The following INSR variants were observed in gnomAD, a reference collection of about 807,000 sequenced individuals.
INSR encodes insulin receptor, also known as IR.
INSR carries 67 observed loss-of-function variants against 142.6 expected under a neutral mutation model. That is an observed-to-expected ratio of 0.47 (90% CI 0.39 to 0.58). INSR has a LOEUF of 0.58. INSR is among the 20% of genes least tolerant of loss of function. The pLI is 0.00. For synonymous variants in INSR, 756 were observed against 743.1 expected, an observed-to-expected ratio of 1.02 and a Z score of -0.28; for missense variants, 1,248 against 1,833.2, an observed-to-expected ratio of 0.68 and a Z score of 5.83.
At chr19:7,190,254 G>A (rs867372686) in intron 2 of INSR, among the ~76,000 whole-genome samples, 2 of 151,990 alleles carry the variant, frequency 1.3e-5, no homozygotes, top group South Asian at 4.2e-4. Flanking sequence ...ACATTAAGCA[G>A]CCTCACAGCT....
chr19:7,261,454 T>C (rs1977060332), intron 2 of INSR, among the ~76,000 whole-genome samples: 1 of 152,130 alleles, frequency 6.6e-6, no homozygotes, highest in African/African-American at 2.4e-5. Flanking sequence ...TGCAGGATAA[T>C]GGAGAGAGGG....
intron 2 of INSR, among the ~76,000 whole-genome samples, chr19:7,201,252 A>G (rs1052311464): frequency 6.6e-6 from 1 of 152,212 alleles, no homozygotes; most frequent in African/African-American, 2.4e-5. Context: ...AAGAGAAACA[A>G]TTAAGCTAAA....
At chr19:7,246,784 A>T (rs185895066) in intron 2 of INSR, among the ~76,000 whole-genome samples, 1 of 152,248 alleles carries the variant, frequency 6.6e-6, no homozygotes, top group Admixed American at 6.5e-5. Context: ...TCTATGTTTC[A>T]GGGTGGTTTG....
At chr19:7,234,560 C>T (rs779145244) in intron 2 of INSR, among the ~76,000 whole-genome samples, 1 of 152,050 alleles carries the variant, frequency 6.6e-6, no homozygotes, top group Non-Finnish European at 1.5e-5. Context: ...ACAAACACTA[C>T]GCCATTTTAT....
intron 2 of INSR, among the ~76,000 whole-genome samples, chr19:7,194,095 G>A (rs142205940): frequency 1.6e-4 from 25 of 152,244 alleles, no homozygotes; most frequent in African/African-American, 5.3e-4. Context: ...GACAGGCATC[G>A]GTGAGAGCTT....
rs115737119 is a variant in INSR at position 7,243,798 on chromosome 19, T to G, written c.652+23547A>C. On this transcript the variant is annotated intron_variant, in intron 2 of 21. Coordinates refer to ENST00000302850, the MANE Select transcript of INSR (RefSeq NM_000208.4). ...TAGCAAATCGAATTCAACGTTATGCTGAAAGAATAATTCATCACAACCAAG... is the reference window on the plus strand; with the variant it reads ...TAGCAAATCGAATTCAACGTTATGCGGAAAGAATAATTCATCACAACCAAG... 1.2e-3 allele frequency among the ~76,000 whole-genome samples: 184 copies of G among 152,292 alleles called. 1 individual carries two copies. Among genetic ancestry groups the G allele is most frequent in the African/African-American group, 3.9e-3 (160 of 41,556 alleles).
At chr19:7,131,774 G>A (rs561986282) in intron 14 of INSR, among the ~76,000 whole-genome samples, 184 of 147,742 alleles carry the variant, frequency 1.2e-3, no homozygotes, top group African/African-American at 4.4e-3. Context: ...CGAGGCGGGT[G>A]GATCACTTGA....
intron 13 of INSR, among the ~76,000 whole-genome samples, chr19:7,138,024 C>G (rs1362261097): frequency 6.9e-6 from 1 of 145,074 alleles, no homozygotes; most frequent in Non-Finnish European, 1.5e-5. Context: ...AGTGCAGTGG[C>G]GTGATCTCGG....
chr19:7,128,493 T>C (rs2144821841), intron 15 of INSR, among the ~76,000 whole-genome samples: 1 of 152,244 alleles, frequency 6.6e-6, no homozygotes, highest in South Asian at 2.1e-4. Flanking sequence ...GCATTACAGG[T>C]GTGAGCCACT....
chr19:7,186,243 T>C (rs976328023), intron 2 of INSR, among the ~76,000 whole-genome samples: 1 of 151,344 alleles, frequency 6.6e-6, no homozygotes, highest in African/African-American at 2.4e-5. Context: ...AGTTGGGGAG[T>C]GTTCTTCACC....
In INSR at chr19:7,225,001, G is replaced by A. The variant is rs1306238677; in HGVS notation, c.653-40364C>T. 6.6e-6 allele frequency among the ~76,000 whole-genome samples: 1 copy of A among 152,168 alleles called. No individual in the cohort carries two copies. The highest frequency in any genetic ancestry group is 1.5e-5 in the Non-Finnish European group (1 of 68,036). On this transcript the variant is annotated intron_variant, in intron 2 of 21. Transcript: ENST00000302850. This position sits in a 1 kb window ranked among gnomAD's most constrained non-coding sequence, Gnocchi z 4.7. ...ACAGACAGACAGACAGAGACAGAGA[G>A]GGGAGTATCCCATTAAGGCAGCAGG... is the stretch of plus-strand genomic sequence containing the variant.
chr19:7,163,223 T>G (rs1191104797), intron 8 of INSR, 24 bp from the exon 9 acceptor site: 9 of 1,600,482 alleles, frequency 5.6e-6, no homozygotes, highest in Non-Finnish European at 7.7e-6. Context: ...AGGAAATGGG[T>G]CCATCATGAG....
chr19:7,120,699 C>T lies in INSR; in HGVS notation c.3580G>A (p.Gly1194Ser), dbSNP rs1345131931. ...CACCGTACAGGGAGCAGACCCTTGC[C>T]CCCTTTCCGGTAGTAATCCGTTTCA... ...IYETDYYRKG[G>S]KGLLPVRWMA... The change falls in exon 20 of 22, where the codon GGC becomes AGC. Residue 1194 changes from glycine (G) to serine (S), a missense_variant. This residue lies in a region of INSR where 1,069 missense variants were observed against 1,654.0 expected (regional missense o/e 0.65). Coordinates refer to ENST00000302850, the MANE Select transcript of INSR (RefSeq NM_000208.4). 6.2e-7 allele frequency: 1 copy of T among 1,614,000 alleles called. No individual in the cohort carries two copies. The highest frequency in any genetic ancestry group is 1.3e-5 in the African/African-American group (1 of 75,040).
At chr19:7,120,944 C>T (rs1972475954) in intron 19 of INSR, among the ~76,000 whole-genome samples, 195 bp from the exon 20 acceptor site, 1 of 151,848 alleles carries the variant, frequency 6.6e-6, no homozygotes, top group Admixed American at 6.6e-5. Flanking sequence ...GGAAGATGGG[C>T]TACTGTTTAA....
At chr19:7,227,644 C>A (rs1471612708) in intron 2 of INSR, among the ~76,000 whole-genome samples, 1 of 152,140 alleles carries the variant, frequency 6.6e-6, no homozygotes, top group Non-Finnish European at 1.5e-5. Flanking sequence ...CGACTCCAGC[C>A]AGCTTAGACC....
At position 7,163,198 on chromosome 19, in the gene INSR, G is replaced by T. The variant is rs1469593224; in HGVS notation, c.1863C>A (p.Asn621Lys). Residue 621 changes from asparagine to lysine, a missense_variant and splice_region_variant, in exon 9 of 22, where the codon AAC (asparagine) becomes AAA (lysine). This residue lies in a region of INSR where 1,069 missense variants were observed against 1,654.0 expected (regional missense o/e 0.65). Coordinates refer to ENST00000302850, the MANE Select transcript of INSR (RefSeq NM_000208.4). ...AGATTGGATCCAGGGGCACAGAGGGGTCTGTCAGGGAGAAAGGAAATGGGT... is the reference window on the plus strand; with the variant it reads ...AGATTGGATCCAGGGGCACAGAGGGTTCTGTCAGGGAGAAAGGAAATGGGT... ...DIIYVQTDAT[N>K]PSVPLDPISV... is the part of the protein sequence containing the mutation. 11 of 1,612,438 alleles carry T rather than the reference G, an allele frequency of 6.8e-6. No homozygotes were observed. Among genetic ancestry groups the T allele is most frequent in the Non-Finnish European group, 9.3e-6 (11 of 1,178,874 alleles).
intron 8 of INSR, among the ~76,000 whole-genome samples, chr19:7,164,253 A>G (rs1056770657): frequency 6.6e-6 from 1 of 152,172 alleles, no homozygotes; most frequent in African/African-American, 2.4e-5. Context: ...GCTTCCGCCC[A>G]CGAAATGCCA....
chr19:7,170,532 C>T lies in INSR; in HGVS notation c.1483+5G>A, dbSNP rs767166016. 1 of 1,610,354 alleles carries T rather than the reference C, an allele frequency of 6.2e-7. No homozygotes were observed. The highest frequency in any genetic ancestry group is 8.5e-7 in the Non-Finnish European group (1 of 1,177,954). ...TGCCAAAAAGGTTGGGGACCAGTGA[C>T]TTACAGGATGCCTGGTCCCCATTGG... is the stretch of plus-strand genomic sequence containing the variant. On this transcript the variant is annotated splice_donor_5th_base_variant and intron_variant, in intron 6 of 21. Transcript: ENST00000302850.
At position 7,126,651 on chromosome 19, in the gene INSR, C is replaced by A; in HGVS notation, c.2946G>T (p.Arg982Ser). 1 of 1,563,780 alleles carries A rather than the reference C, an allele frequency of 6.4e-7. No homozygotes were observed. Among genetic ancestry groups the A allele is most frequent in the South Asian group, 1.2e-5 (1 of 85,110 alleles). Residue 982 changes from arginine (R) to serine (S), a missense_variant and splice_region_variant, in exon 16 of 22, where the codon AGG (arginine) becomes AGT (serine). This residue lies in a region of INSR where 1,069 missense variants were observed against 1,654.0 expected (regional missense o/e 0.65). Coordinates refer to ENST00000302850, the MANE Select transcript of INSR (RefSeq NM_000208.4). ...GCGGTCCCAGCGGCCCATCTGGCTGCCTGGAGGAGGAAAACGAGGCACGTT... is the reference window on the plus strand; with the variant it reads ...GCGGTCCCAGCGGCCCATCTGGCTGACTGGAGGAGGAAAACGAGGCACGTT... Reference protein sequence around the residue: ...IGSIYLFLRKRQPDGPLGPLY... With the variant: ...IGSIYLFLRKSQPDGPLGPLY...
Sources: gnomAD v4.1 joint callset for allele counts (sites outside exome capture counted in the v4.1 genomes callset) on GRCh38, gnomAD v4.1.1 for gene constraint, gnomAD v4.1.1 regional missense constraint, Gnocchi (gnomAD v3.1) non-coding constraint, MANE v1.5 for transcripts, NCBI Gene and HGNC (gene_info 2026-07-23, HGNC 2026-07-21) for gene names.